RPL21: variants seen among roughly 807,000 people sequenced by gnomAD.
The protein encoded by RPL21 is ribosomal protein L21, also known as large ribosomal subunit protein eL21.
RPL21 carries 1 observed loss-of-function variant against 21.2 expected under a neutral mutation model. That is an observed-to-expected ratio of 0.05 (90% CI 0.02 to 0.22). The LOEUF (loss-of-function observed/expected upper bound fraction) is 0.22, where lower values mean the gene tolerates loss of function less well. Ranked by LOEUF, RPL21 falls within the 10% of genes least tolerant of loss-of-function variation. RPL21 has a pLI of 1.00. For missense variants in RPL21, 113 were observed against 199.4 expected (o/e 0.57, Z 2.61); for synonymous variants, 52 against 62.9 (o/e 0.83, Z 0.82).
intron 1 of RPL21, among the ~76,000 whole-genome samples, chr13:27,252,278 A>C (rs1031364119): frequency 6.6e-6 from 1 of 152,144 alleles, no homozygotes; most frequent in African/African-American, 2.4e-5. Context: ...CACCAAGAGG[A>C]GATACTGTTT....
chr13:27,254,165 C>G, intron 2 of RPL21, 55 bp from the exon 3 acceptor site: 1 of 1,093,062 alleles, frequency 9.1e-7, no homozygotes, highest in Non-Finnish European at 1.4e-6. Flanking sequence ...AATTGCATTT[C>G]TTTTACTCTA....
chr13:27,256,505 C>G lies in RPL21; in HGVS notation c.463C>G (p.Pro155Ala), dbSNP rs932198353. The G allele has an allele frequency of 2.9e-6, 4 of 1,391,786 alleles. No individual in the cohort carries two copies. Among genetic ancestry groups the G allele is most frequent in the South Asian group, 2.3e-5 (2 of 86,510 alleles). 86.2% of individuals were successfully genotyped at this position (1,391,786 alleles called of 1,614,324 possible). Residue 155 changes from proline to alanine, a missense_variant, in exon 6 of 6, where the codon CCC becomes GCC. Coordinates refer to ENST00000311549, the MANE Select transcript of RPL21 (RefSeq NM_000982.4). ...GKEPELLEPI[P>A]YEFMA is the part of the protein sequence containing the mutation. ...GGAGCCTGAGCTGCTGGAACCTATT[C>G]CCTATGAATTCATGGCATAATAGGT... is the stretch of plus-strand genomic sequence containing the variant.
Position 27,256,198 on chromosome 13 carries a change from C to G in RPL21, c.257C>G (p.Ala86Gly). ...VNKQVKGKIL[A>G]KRINVRIEHI... ...GCTCTGTCCAGGGGCAAGATTCTTG[C>G]CAAGAGAATTAATGTGCGTATTGAG... is the stretch of plus-strand genomic sequence containing the variant. The change falls in exon 5 of 6, where the codon GCC (alanine) becomes GGC (glycine). Residue 86 changes from alanine to glycine, a missense_variant. Transcript: ENST00000311549. 3 of 1,593,418 alleles carry G rather than the reference C, an allele frequency of 1.9e-6. No homozygotes were observed. The highest frequency in any genetic ancestry group is 2.6e-6 in the Non-Finnish European group (3 of 1,168,074).
intron 1 of RPL21, among the ~76,000 whole-genome samples, chr13:27,252,369 A>G (rs887184289): frequency 2.0e-5 from 3 of 152,214 alleles, no homozygotes; most frequent in Non-Finnish European, 4.4e-5. Flanking sequence ...TGTGGACGTC[A>G]ACAGAGTCGA....
intron 4 of RPL21, chr13:27,255,608 G>A: frequency 3.5e-6 from 2 of 575,890 alleles, no homozygotes; most frequent in South Asian, 3.0e-5. Flanking sequence ...GTCTTGCTCT[G>A]TCGCCCTGGC....
At chr13:27,254,976 A>G in intron 3 of RPL21, 1 of 605,668 alleles carries the variant, frequency 1.7e-6, no homozygotes, top group East Asian at 3.2e-5. Context: ...TTAATTATTG[A>G]TGAAGATTAC....
chr13:27,256,555 C>T lies in RPL21; in HGVS notation c.*30C>T, dbSNP rs1489077302. 3.2e-6 allele frequency: 3 copies of T among 950,456 alleles called. No individual in the cohort carries two copies. The East Asian group carries it at 7.2e-5, about 23-fold the overall frequency. 58.9% of individuals were successfully genotyped at this position (950,456 alleles called of 1,614,324 possible). On this transcript the variant is annotated 3_prime_UTR_variant, in exon 6 of 6. Coordinates refer to ENST00000311549, the MANE Select transcript of RPL21 (RefSeq NM_000982.4). ...TGTTAAAAAAAAAAATAAAGGACCT[C>T]TGGGCTACAAAAATGTTTCTCTTCA... is the stretch of plus-strand genomic sequence containing the variant.
chr13:27,253,157 T>A (rs1267823105), intron 1 of RPL21, among the ~76,000 whole-genome samples: 1 of 152,158 alleles, frequency 6.6e-6, no homozygotes, highest in East Asian at 1.9e-4. Flanking sequence ...AGAGATGAAA[T>A]GTGGGTGTCC....
At chr13:27,255,199 A>G (rs751068625) in intron 3 of RPL21, 43 bp from the exon 4 acceptor site, 2 of 840,756 alleles carry the variant, frequency 2.4e-6, no homozygotes, top group African/African-American at 3.3e-5. Flanking sequence ...AGAATTTTAA[A>G]GGAAGGGGAA....
At chr13:27,254,160 C>T (rs1881778495) in intron 2 of RPL21, 60 bp from the exon 3 acceptor site, 2 of 1,029,194 alleles carry the variant, frequency 1.9e-6, no homozygotes, top group Admixed American at 1.7e-5. Context: ...AGTAAAATTG[C>T]ATTTCTTTTA....
chr13:27,253,751 C>A lies in RPL21; in HGVS notation c.-12-14C>A. Reference sequence around the variant, plus strand: ...TTTTCAGTCGTATTTGACTGTTCTGCTTTCTGGTTTCAGTAATTCGCCAAA... The same window carrying A: ...TTTTCAGTCGTATTTGACTGTTCTGATTTCTGGTTTCAGTAATTCGCCAAA... On this transcript the variant is annotated splice_polypyrimidine_tract_variant and intron_variant, in intron 1 of 5. Transcript: ENST00000311549. 1 of 1,502,114 alleles carries A rather than the reference C, an allele frequency of 6.7e-7. No homozygotes were observed. Among genetic ancestry groups the A allele is most frequent in the Non-Finnish European group, 9.3e-7 (1 of 1,078,516 alleles). The allele number at this position is 1,502,114 out of a possible 1,614,324, so 93.0% of individuals were successfully genotyped here. A position where few individuals can be genotyped will look rare whatever the true frequency, so the allele number is the denominator to read the frequency against.
chr13:27,252,304 A>T (rs575072735), intron 1 of RPL21, among the ~76,000 whole-genome samples: 1 of 152,298 alleles, frequency 6.6e-6, no homozygotes, highest in East Asian at 1.9e-4. Flanking sequence ...ATTCTAGGGC[A>T]GCATGCTTTG....
chr13:27,251,879 G>T (rs186329740), intron 1 of RPL21: 1 of 152,298 alleles, frequency 6.6e-6, no homozygotes, highest in African/African-American at 2.4e-5. Context: ...ATCTTTAAAA[G>T]ACTTCGTTTT....
At chr13:27,255,708 A>G (rs1034712271) in intron 4 of RPL21, 10 of 373,842 alleles carry the variant, frequency 2.7e-5, no homozygotes, top group African/African-American at 1.7e-4. Context: ...GGTAGCTAGG[A>G]CTACAGGCGC....
intron 1 of RPL21, among the ~76,000 whole-genome samples, chr13:27,252,349 T>C (rs1373808810): frequency 6.6e-6 from 1 of 152,184 alleles, no homozygotes; most frequent in Non-Finnish European, 1.5e-5. Context: ...GTTCATCATT[T>C]TGTCTAGTTT....
At chr13:27,255,535 AT>A (rs749493961) in intron 4 of RPL21, 181 bp downstream of exon 4, 1 of 754,724 alleles carries the variant, frequency 1.3e-6, no homozygotes, top group Non-Finnish European at 2.4e-6. Flanking sequence ...ATTGAAATAG[AT>A]TTACTGGAAA....
intron 1 of RPL21, among the ~76,000 whole-genome samples, chr13:27,253,511 A>G (rs1486026851): frequency 6.6e-6 from 1 of 152,212 alleles, no homozygotes; most frequent in Non-Finnish European, 1.5e-5. Flanking sequence ...GAGAAAGGGT[A>G]CTAGTTTGGA....
chr13:27,256,361 G>T, intron 5 of RPL21, 27 bp downstream of exon 5: 1 of 1,604,866 alleles, frequency 6.2e-7, no homozygotes, highest in South Asian at 1.1e-5. Context: ...TATTTCATTG[G>T]TTCTGAGAGC....
Position 27,255,285 on chromosome 13 carries a change from A to G in RPL21, c.173A>G (p.His58Arg), listed in dbSNP as rs1881845784. Residue 58 changes from histidine to arginine, a missense_variant, in exon 4 of 6, where the codon CAT becomes CGT. His to Arg is a conservative substitution (Grantham distance 29). Coordinates refer to ENST00000311549, the MANE Select transcript of RPL21 (RefSeq NM_000982.4). ...VQKGMPHKCY[H>R]GKTGRVYNVT... is the part of the protein sequence containing the mutation. Reference sequence around the variant, plus strand: ...AAAGGAATGCCCCACAAGTGTTACCATGGCAAAACTGGAAGAGTCTACAAT... The same window carrying G: ...AAAGGAATGCCCCACAAGTGTTACCGTGGCAAAACTGGAAGAGTCTACAAT... 5 of 1,511,882 alleles carry G rather than the reference A, an allele frequency of 3.3e-6. No homozygotes were observed. The highest frequency in any genetic ancestry group is 1.7e-4 in the Middle Eastern group (1 of 5,878). The allele number at this position is 1,511,882 out of a possible 1,614,324, so 93.7% of individuals were successfully genotyped here. A position where few individuals can be genotyped will look rare whatever the true frequency, so the allele number is the denominator to read the frequency against.
Sources: gnomAD v4.1 joint callset for allele counts (sites outside exome capture counted in the v4.1 genomes callset) on GRCh38, gnomAD v4.1.1 for gene constraint, MANE v1.5 for transcripts, NCBI Gene and HGNC (gene_info 2026-07-23, HGNC 2026-07-21) for gene names.